The following CTNND2 variants were observed in gnomAD, a reference collection of about 807,000 sequenced individuals.
The protein encoded by CTNND2 is catenin delta-2.
CTNND2 carries 22 observed loss-of-function variants against 144.4 expected under a neutral mutation model. The observed-to-expected ratio is 0.15, with a 90% CI of 0.11 to 0.22. The LOEUF (loss-of-function observed/expected upper bound fraction) is 0.22. Among genes scored for constraint, CTNND2 ranks in the 10% least tolerant of loss-of-function variants. The pLI is 1.00. For synonymous variants in CTNND2, 751 were observed against 695.6 expected, an observed-to-expected ratio of 1.08 and a Z score of -1.25; for missense variants, 1,353 against 1,618.8, an observed-to-expected ratio of 0.84 and a Z score of 2.82.
At chr5:11,440,352 C>A (rs1440923238) in intron 3 of CTNND2, among the ~76,000 whole-genome samples, 1 of 152,160 alleles carries the variant, frequency 6.6e-6, no homozygotes, top group African/African-American at 2.4e-5. Flanking sequence ...TCAACGTGGA[C>A]TTTCCTAGTC....
chr5:11,102,941 C>T (rs11948703), intron 14 of CTNND2, among the ~76,000 whole-genome samples: 16,793 of 146,740 alleles, frequency 0.11, 1,573 homozygotes, highest in East Asian at 0.36. Context: ...ACTTTTGCTT[C>T]CATGCAGGGC....
At chr5:11,018,792 C>T (rs1741904516) in intron 17 of CTNND2, among the ~76,000 whole-genome samples, 1 of 149,924 alleles carries the variant, frequency 6.7e-6, no homozygotes, top group Non-Finnish European at 1.5e-5. Context: ...CTCACTGCAA[C>T]CTCTGCCTCG....
intron 18 of CTNND2, among the ~76,000 whole-genome samples, chr5:10,993,793 A>C (rs548892053): frequency 6.6e-6 from 1 of 152,224 alleles, no homozygotes; most frequent in South Asian, 2.1e-4. Context: ...TTAGATACAC[A>C]AAGATTAGTC....
intron 2 of CTNND2, among the ~76,000 whole-genome samples, chr5:11,704,581 A>G (rs1431750388): frequency 6.6e-6 from 1 of 152,082 alleles, no homozygotes; most frequent in East Asian, 2.0e-4. Context: ...AGTTGAGGCC[A>G]CTTAGGTTTG....
At chr5:11,497,527 G>GGGT (rs1561477881) in intron 3 of CTNND2, among the ~76,000 whole-genome samples, 2 of 81,840 alleles carry the variant, frequency 2.4e-5, no homozygotes, top group African/African-American at 1.1e-4. Context: ...GGTGGGGGGG[G>GGGT]GCAATATGTG....
intron 9 of CTNND2, among the ~76,000 whole-genome samples, chr5:11,307,629 T>C (rs1237207156): frequency 6.6e-6 from 1 of 152,224 alleles, no homozygotes; most frequent in African/African-American, 2.4e-5. Context: ...AACAATTTTC[T>C]ATAAGAAAAA....
At chr5:11,115,094 G>A (rs752079093) in intron 13 of CTNND2, among the ~76,000 whole-genome samples, 24 of 152,198 alleles carry the variant, frequency 1.6e-4, no homozygotes, top group Non-Finnish European at 2.8e-4. Flanking sequence ...CCAGCTCAGG[G>A]CTCTTCTTAC....
chr5:11,808,997 T>A (rs759051978), intron 1 of CTNND2, among the ~76,000 whole-genome samples: 2 of 152,162 alleles, frequency 1.3e-5, no homozygotes, highest in Non-Finnish European at 2.9e-5. Context: ...TGCATGGAGA[T>A]ACTTCAATAT....
intron 9 of CTNND2, among the ~76,000 whole-genome samples, chr5:11,283,110 C>G (rs454018): frequency 0.35 from 52,712 of 152,002 alleles, 9,212 homozygotes; most frequent in Middle Eastern, 0.44. Context: ...TTTACCCCAG[C>G]CCCTATGCTT....
At chr5:11,594,431 T>A (rs531243494) in intron 2 of CTNND2, among the ~76,000 whole-genome samples, 100 of 152,344 alleles carry the variant, frequency 6.6e-4, no homozygotes, top group African/African-American at 2.4e-3. Flanking sequence ...ATAACAGGCA[T>A]GCATGTATGA....
chr5:11,396,652 G>A (rs1760169231), intron 6 of CTNND2, among the ~76,000 whole-genome samples: 1 of 151,700 alleles, frequency 6.6e-6, no homozygotes, highest in South Asian at 2.1e-4. Context: ...TTTTTTTTAG[G>A]AGACACAATA....
intron 3 of CTNND2, among the ~76,000 whole-genome samples, chr5:11,492,505 ATGTGTGTGTGTGTG>A (rs33995105): frequency 2.8e-5 from 4 of 140,358 alleles, no homozygotes; most frequent in Admixed American, 2.8e-4. Context: ...ATATATATAT[ATGTGTGTGTGTGTG>A]TGTGTGTGTG....
chr5:11,663,659 T>C (rs1783399568), intron 2 of CTNND2, among the ~76,000 whole-genome samples: 1 of 152,082 alleles, frequency 6.6e-6, no homozygotes, highest in Non-Finnish European at 1.5e-5. Context: ...AAAGCCAAAC[T>C]TTAAACTTGT....
At chr5:11,498,580 T>C (rs1255812212) in intron 3 of CTNND2, among the ~76,000 whole-genome samples, 2 of 152,202 alleles carry the variant, frequency 1.3e-5, no homozygotes, top group Non-Finnish European at 2.9e-5. Flanking sequence ...CTTCATTAAC[T>C]AGCTGCCATA....
chr5:11,722,910 A>T (rs993958404), intron 2 of CTNND2, among the ~76,000 whole-genome samples: 1 of 152,222 alleles, frequency 6.6e-6, no homozygotes, highest in Admixed American at 6.5e-5. Context: ...AACACAAAAA[A>T]TTACTTCAAA....
chr5:11,205,708 G>A (rs1227068883), intron 10 of CTNND2, among the ~76,000 whole-genome samples: 1 of 152,158 alleles, frequency 6.6e-6, no homozygotes, highest in Non-Finnish European at 1.5e-5. Flanking sequence ...TAATACAGAA[G>A]TATATTTCAT....
intron 8 of CTNND2, among the ~76,000 whole-genome samples, 171 bp from the exon 9 acceptor site, chr5:11,346,798 T>G (rs368677567): frequency 4.5e-4 from 68 of 152,302 alleles, no homozygotes; most frequent in African/African-American, 1.6e-3. Context: ...TGTTATCCAG[T>G]CAAATGATAA....
At chr5:11,784,078 G>A (rs1046464185) in intron 1 of CTNND2, among the ~76,000 whole-genome samples, 8 of 152,160 alleles carry the variant, frequency 5.3e-5, no homozygotes, top group African/African-American at 1.7e-4. Context: ...ACCACTTATA[G>A]AACACACTAG....
intron 1 of CTNND2, among the ~76,000 whole-genome samples, chr5:11,813,084 A>G (rs1792428011): frequency 6.6e-6 from 1 of 152,196 alleles, no homozygotes; most frequent in Non-Finnish European, 1.5e-5. Flanking sequence ...CGCATATATC[A>G]AAGTAGTCCC....
Sources: allele counts gnomAD v4.1 joint callset (sites outside exome capture counted in the v4.1 genomes callset), GRCh38; gene constraint gnomAD v4.1.1; transcripts MANE v1.5; gene names NCBI Gene and HGNC (gene_info 2026-07-23, HGNC 2026-07-21).